EXOC6B: variants seen among roughly 807,000 people sequenced by gnomAD.
EXOC6B encodes the protein exocyst complex component 6B.
EXOC6B carries 54 observed loss-of-function variants against 113.5 expected under a neutral mutation model. The ratio of observed to expected loss-of-function variants is 0.48; its 90% CI spans 0.38 to 0.60. The LOEUF (loss-of-function observed/expected upper bound fraction) is 0.60, where lower values mean the gene tolerates loss of function less well. Among genes scored for constraint, EXOC6B ranks in the 20% least tolerant of loss-of-function variants. The pLI is 0.00. For missense variants in EXOC6B, 797 were observed against 977.5 expected (o/e 0.82, Z 2.46); for synonymous variants, 357 against 339.0 (o/e 1.05, Z -0.58).
intron 20 of EXOC6B, among the ~76,000 whole-genome samples, chr2:72,249,796 T>G (rs1002297689): frequency 1.3e-5 from 2 of 152,202 alleles, no homozygotes; most frequent in Non-Finnish European, 2.9e-5. Flanking sequence ...ATCTTCTTCT[T>G]TGGAATGGTT....
At chr2:72,515,472 C>A in intron 8 of EXOC6B, 1 of 1,057,740 alleles carries the variant, frequency 9.5e-7, no homozygotes, top group South Asian at 3.6e-5. Flanking sequence ...AGAAAATGCT[C>A]CTTAAAAAAC....
At chr2:72,616,113 A>G (rs1292639046) in intron 6 of EXOC6B, among the ~76,000 whole-genome samples, 2 of 152,168 alleles carry the variant, frequency 1.3e-5, no homozygotes, top group Non-Finnish European at 2.9e-5. Context: ...GTTGAAAACT[A>G]GAAGACACCA....
rs34631453 is a variant in EXOC6B at position 72,557,290 on chromosome 2, CGGGGG to C, written c.915+2158_915+2162del. On this transcript the variant is annotated intron_variant, in intron 8 of 21. Coordinates refer to ENST00000272427, the MANE Select transcript of EXOC6B (RefSeq NM_015189.3). ...AAATATAATGAAACAAAATAAAATC[CGGGGG>C]GGGGGGGGGGCCTTTATGAACTGAT... Among the ~76,000 whole-genome samples the C allele has an allele frequency of 8.6e-4, 6 of 6,976 alleles. 1 individual carries two copies. The highest frequency in any genetic ancestry group is 2.9e-3 in the African/African-American group (6 of 2,056). 4.6% of individuals were successfully genotyped at this position (6,976 alleles called of 152,430 possible). A position where few individuals can be genotyped will look rare whatever the true frequency, so the allele number is the denominator to read the frequency against.
In EXOC6B at chr2:72,233,987, C is replaced by T. The variant is rs188880044; in HGVS notation, c.2197-49800G>A. 3.7e-3 allele frequency among the ~76,000 whole-genome samples: 565 copies of T among 152,306 alleles called. 3 individuals carry two copies. Among genetic ancestry groups the T allele is most frequent in the Non-Finnish European group, 5.9e-3 (398 of 68,030 alleles). ...CGGATGGTAAGGCGTGTGCCCCATCCACCGGACACTGGTAGCCAGGTGGGC... is the reference window on the plus strand; with the variant it reads ...CGGATGGTAAGGCGTGTGCCCCATCTACCGGACACTGGTAGCCAGGTGGGC... On this transcript the variant is annotated intron_variant, in intron 20 of 21. Transcript: ENST00000272427.
chr2:72,732,209 C>T (rs985895447), intron 3 of EXOC6B, among the ~76,000 whole-genome samples: 8 of 151,676 alleles, frequency 5.3e-5, no homozygotes, highest in Non-Finnish European at 8.8e-5. Flanking sequence ...AGTGCAGTGG[C>T]GCAATCATGC....
At chr2:72,384,867 C>T (rs1691904610) in intron 18 of EXOC6B, among the ~76,000 whole-genome samples, 1 of 151,774 alleles carries the variant, frequency 6.6e-6, no homozygotes, top group African/African-American at 2.4e-5. Context: ...TAAGAAGACA[C>T]AAAGAAATGG....
chr2:72,435,342 G>A (rs1428438745), intron 18 of EXOC6B, among the ~76,000 whole-genome samples: 1 of 152,140 alleles, frequency 6.6e-6, no homozygotes, highest in Non-Finnish European at 1.5e-5. Flanking sequence ...GGTCAATTTT[G>A]AGTAAGTCCT....
At chr2:72,701,604 T>C (rs1274421148) in intron 6 of EXOC6B, among the ~76,000 whole-genome samples, 1 of 152,174 alleles carries the variant, frequency 6.6e-6, no homozygotes, top group Non-Finnish European at 1.5e-5. Context: ...CAATTCAGAT[T>C]CATGTCCTCA....
chr2:72,267,782 A>G (rs951495399), intron 20 of EXOC6B, among the ~76,000 whole-genome samples: 4 of 152,198 alleles, frequency 2.6e-5, no homozygotes, highest in African/African-American at 9.6e-5. Context: ...AACTTGAAAG[A>G]GATAATTTAG....
At chr2:72,232,724 T>C (rs1681703390) in intron 20 of EXOC6B, among the ~76,000 whole-genome samples, 1 of 152,196 alleles carries the variant, frequency 6.6e-6, no homozygotes. Flanking sequence ...TTATTTCAAA[T>C]TTGTAAGATA....
chr2:72,490,129 A>G (rs1454231755), intron 16 of EXOC6B, among the ~76,000 whole-genome samples: 1 of 152,210 alleles, frequency 6.6e-6, no homozygotes, highest in East Asian at 1.9e-4. Context: ...CCATGTTACT[A>G]TGGACCTCCT....
At chr2:72,360,379 C>T (rs1408112108) in intron 19 of EXOC6B, among the ~76,000 whole-genome samples, 1 of 152,182 alleles carries the variant, frequency 6.6e-6, no homozygotes, top group South Asian at 2.1e-4. Context: ...TGAGCCACTG[C>T]ACCTGGACTT....
At chr2:72,369,706 T>C (rs79709451) in intron 19 of EXOC6B, among the ~76,000 whole-genome samples, 19,542 of 151,976 alleles carry the variant, frequency 0.13, 1,473 homozygotes, top group African/African-American at 0.21. Context: ...GAAATAATAC[T>C]ACACATCTAC....
intron 8 of EXOC6B, among the ~76,000 whole-genome samples, chr2:72,540,663 G>C (rs1316347250): frequency 1.3e-5 from 2 of 152,100 alleles, no homozygotes; most frequent in Admixed American, 6.5e-5. Flanking sequence ...TTTCCCAAAG[G>C]TAGAGGATTC....
At chr2:72,473,887 T>C (rs1698560490) in intron 17 of EXOC6B, among the ~76,000 whole-genome samples, 1 of 152,152 alleles carries the variant, frequency 6.6e-6, no homozygotes, top group Admixed American at 6.5e-5. Flanking sequence ...TGATAGCAAA[T>C]GTCACTCACT....
intron 7 of EXOC6B, among the ~76,000 whole-genome samples, chr2:72,570,719 C>T (rs1704463637): frequency 6.6e-6 from 1 of 152,104 alleles, no homozygotes; most frequent in Non-Finnish European, 1.5e-5. Flanking sequence ...TCTGAAGTAA[C>T]CTAGAAACAA....
At chr2:72,755,345 G>A (rs1257302304) in intron 1 of EXOC6B, among the ~76,000 whole-genome samples, 2 of 152,008 alleles carry the variant, frequency 1.3e-5, no homozygotes, top group East Asian at 1.9e-4. Context: ...AGGGTACTAC[G>A]GTGAACACTC....
intron 20 of EXOC6B, among the ~76,000 whole-genome samples, chr2:72,235,913 C>T (rs1243336961): frequency 1.3e-5 from 2 of 152,042 alleles, no homozygotes; most frequent in Non-Finnish European, 2.9e-5. Flanking sequence ...TATTTTGCCC[C>T]CCCTTCAAGG....
intron 20 of EXOC6B, among the ~76,000 whole-genome samples, chr2:72,194,828 G>A (rs1016807432): frequency 2.2e-4 from 34 of 152,082 alleles, no homozygotes; most frequent in Non-Finnish European, 4.6e-4. Flanking sequence ...AGGGGGTCAA[G>A]CTTATACCTG....
Sources: gnomAD v4.1 joint callset for allele counts (sites outside exome capture counted in the v4.1 genomes callset) on GRCh38, gnomAD v4.1.1 for gene constraint, MANE v1.5 for transcripts, NCBI Gene and HGNC (gene_info 2026-07-23, HGNC 2026-07-21) for gene names.